Variants in ZFP14 observed in about 807,000 individuals in gnomAD.
The protein encoded by ZFP14 is zinc finger protein 14 homolog.
Under a neutral mutation model 54.5 loss-of-function variants are expected in ZFP14, and 22 were observed. The ratio of observed to expected loss-of-function variants is 0.40; its 90% CI spans 0.29 to 0.58. ZFP14 has a LOEUF of 0.58. Among genes scored for constraint, ZFP14 ranks in the 20% least tolerant of loss-of-function variants. ZFP14 has a pLI of 0.39. For synonymous variants in ZFP14, 159 were observed against 204.0 expected, an observed-to-expected ratio of 0.78 and a Z score of 1.88; for missense variants, 470 against 637.8, an observed-to-expected ratio of 0.74 and a Z score of 2.83.
At chr19:36,378,127 G>C (rs2031992196) in intron 1 of ZFP14, 1 of 152,220 alleles carries the variant, frequency 6.6e-6, no homozygotes, top group South Asian at 2.1e-4. Flanking sequence ...TTTCGTAAAC[G>C]GTTGAGTTCC....
chr19:36,342,342 G>A (rs780272153), intron 4 of ZFP14, among the ~76,000 whole-genome samples: 8 of 151,440 alleles, frequency 5.3e-5, no homozygotes, highest in East Asian at 1.9e-4. Context: ...CCCCAAGCCC[G>A]GCTAATATTT....
intron 1 of ZFP14, among the ~76,000 whole-genome samples, chr19:36,377,225 C>A (rs929227866): frequency 6.6e-6 from 1 of 152,098 alleles, no homozygotes; most frequent in African/African-American, 2.4e-5. Flanking sequence ...GTGGGTAATT[C>A]CATCTAAACT....
intron 2 of ZFP14, among the ~76,000 whole-genome samples, chr19:36,365,322 T>C (rs547387150): frequency 1.3e-5 from 2 of 152,352 alleles, no homozygotes; most frequent in East Asian, 1.9e-4. Context: ...TCATCTCTTT[T>C]ACTAAATTCA....
intron 4 of ZFP14, among the ~76,000 whole-genome samples, chr19:36,350,046 G>A (rs1249330634): frequency 2.2e-5 from 3 of 138,310 alleles, no homozygotes; most frequent in African/African-American, 5.3e-5. Context: ...GCTTGAGCCC[G>A]GGAAGTGGAG....
rs1423337076 is a variant in ZFP14 at position 36,338,116 on chromosome 19, C to T, written c.*2108G>A. 1.3e-5 allele frequency: 2 copies of T among 152,242 alleles called. No homozygotes were observed. The highest frequency in any genetic ancestry group is 1.9e-4 in the East Asian group (1 of 5,172). 9.4% of individuals were successfully genotyped at this position (152,242 alleles called of 1,614,324 possible). The stretch of plus-strand genomic sequence containing the variant: ...TCTTGGGTTCAAGTGATCCTCCCAC[C>T]TCAGCCTGGGACTACAGGTGTGTGC... On this transcript the variant is annotated 3_prime_UTR_variant, in exon 5 of 5. Transcript: ENST00000270001.
intron 1 of ZFP14, among the ~76,000 whole-genome samples, chr19:36,374,458 C>T (rs1043163791): frequency 6.7e-6 from 1 of 148,562 alleles, no homozygotes; most frequent in African/African-American, 2.5e-5. Flanking sequence ...CCGTTGCACT[C>T]CAGCCTGGGT....
At position 36,339,293 on chromosome 19, in the gene ZFP14, C is replaced by T. The variant is rs950826068; in HGVS notation, c.*931G>A. On this transcript the variant is annotated 3_prime_UTR_variant, in exon 5 of 5. Coordinates refer to ENST00000270001, the MANE Select transcript of ZFP14 (RefSeq NM_020917.3). Reference sequence around the variant, plus strand: ...AATACATGCTATATGACTGTGATTCCTCCAAGTATTAACTACTTACTCCTT... The same window carrying T: ...AATACATGCTATATGACTGTGATTCTTCCAAGTATTAACTACTTACTCCTT... The T allele has an allele frequency of 3.3e-5, 5 of 152,122 alleles. No homozygotes were observed. Among genetic ancestry groups the T allele is most frequent in the African/African-American group, 1.2e-4 (5 of 41,422 alleles). 9.4% of individuals were successfully genotyped at this position (152,122 alleles called of 1,614,324 possible).
Position 36,340,292 on chromosome 19 carries a change from C to G in ZFP14, c.1534G>C (p.Glu512Gln). The change falls in exon 5 of 5, where the codon GAG (glutamate) becomes CAG (glutamine). Residue 512 changes from glutamate (E) to glutamine (Q), a missense_variant. Physicochemically the swap from Glu to Gln is conservative, Grantham distance 29. Coordinates refer to ENST00000270001, the MANE Select transcript of ZFP14 (RefSeq NM_020917.3). The surrounding 1 kb of genome is among the most constrained non-coding windows in gnomAD (Gnocchi z 5.4). Reference sequence around the variant, plus strand: ...TGCTGTCTAAAGGCCTTCTTACACTCCTTACACTTGTAGGGCTTCTCACCA... The same window carrying G: ...TGCTGTCTAAAGGCCTTCTTACACTGCTTACACTTGTAGGGCTTCTCACCA... ...HTGEKPYKCK[E>Q]CKKAFRQHSH... 6.2e-7 allele frequency: 1 copy of G among 1,613,984 alleles called. No individual in the cohort carries two copies. The highest frequency in any genetic ancestry group is 8.5e-7 in the Non-Finnish European group (1 of 1,179,950).
At position 36,335,592 on chromosome 19, in the gene ZFP14, C is replaced by CA. The variant is rs1404926242; in HGVS notation, c.*4631dup. 4.0e-5 allele frequency: 6 copies of CA among 151,896 alleles called. No homozygotes were observed. In the East Asian group the frequency reaches 1.2e-3, roughly 29 times the overall value. The allele number at this position is 151,896 out of a possible 1,614,324, so 9.4% of individuals were successfully genotyped here. On this transcript the variant is annotated 3_prime_UTR_variant, in exon 5 of 5. Coordinates refer to ENST00000270001, the MANE Select transcript of ZFP14 (RefSeq NM_020917.3). The stretch of plus-strand genomic sequence containing the variant: ...GTTCACACACACACACACACACACA[C>CA]ATTTTTTGTTAATCTATTTGGGTTA...
At chr19:36,379,037 A>G (rs1487430999) in intron 1 of ZFP14, 126 bp downstream of exon 1, 1 of 152,466 alleles carries the variant, frequency 6.6e-6, no homozygotes, top group East Asian at 1.9e-4. Context: ...AGAGGACGCA[A>G]CAGGGCACCC....
chr19:36,374,083 C>T (rs1482064085), intron 1 of ZFP14, among the ~76,000 whole-genome samples: 3 of 152,078 alleles, frequency 2.0e-5, no homozygotes, highest in African/African-American at 4.8e-5. Context: ...GTGGGGACAC[C>T]GACACTAGGT....
intron 4 of ZFP14, among the ~76,000 whole-genome samples, chr19:36,349,388 G>A (rs1414573904): frequency 2.0e-5 from 3 of 151,428 alleles, no homozygotes; most frequent in Non-Finnish European, 4.4e-5. Flanking sequence ...TTACAGGCTG[G>A]GCACAGTGGC....
rs1466474606 is a variant in ZFP14, at chr19:36,355,416, G to A, written c.235+5019C>T. 2.1e-5 allele frequency among the ~76,000 whole-genome samples: 3 copies of A among 142,532 alleles called. 1 individual carries two copies. The highest frequency in any genetic ancestry group is 5.2e-5 in the African/African-American group (2 of 38,826). 93.5% of individuals were successfully genotyped at this position (142,532 alleles called of 152,430 possible). On this transcript the variant is annotated intron_variant, in intron 4 of 4. Coordinates refer to ENST00000270001, the MANE Select transcript of ZFP14 (RefSeq NM_020917.3). The stretch of plus-strand genomic sequence containing the variant: ...AAGAGGGCCAGGTGCAGTGGCTCGC[G>A]CCTGTAATCCCAGCACCTTGGGAGG...
intron 1 of ZFP14, among the ~76,000 whole-genome samples, chr19:36,374,026 G>A (rs2031920946): frequency 6.6e-6 from 1 of 152,114 alleles, no homozygotes; most frequent in African/African-American, 2.4e-5. Context: ...TACAATGACT[G>A]CATTGCAAGA....
In ZFP14 at chr19:36,337,712, T is replaced by G. The variant is rs1164842897; in HGVS notation, c.*2512A>C. The G allele has an allele frequency of 6.6e-6, 1 of 151,606 alleles. No individual in the cohort carries two copies. Among genetic ancestry groups the G allele is most frequent in the Non-Finnish European group, 1.5e-5 (1 of 67,772 alleles). The allele number at this position is 151,606 out of a possible 1,614,324, so 9.4% of individuals were successfully genotyped here. The stretch of plus-strand genomic sequence containing the variant: ...AGTTCATTATTCCAGCAATAAGGCT[T>G]TGTAGATGGTGGTGTGGACTTCCTA... On this transcript the variant is annotated 3_prime_UTR_variant, in exon 5 of 5. Transcript: ENST00000270001.
chr19:36,354,504 C>T (rs1279335149), intron 4 of ZFP14, among the ~76,000 whole-genome samples: 1 of 142,386 alleles, frequency 7.0e-6, no homozygotes, highest in East Asian at 2.1e-4. Flanking sequence ...TCATCTTGGG[C>T]TTCTTGCAGT....
chr19:36,368,258 C>T (rs1385771520), intron 1 of ZFP14, among the ~76,000 whole-genome samples: 1 of 152,106 alleles, frequency 6.6e-6, no homozygotes, highest in Non-Finnish European at 1.5e-5. Flanking sequence ...CACCTGAGGT[C>T]GGGAGTTCGA....
rs186423616 is a variant in ZFP14, at chr19:36,344,914, G to T, written c.236-3324C>A. 3.0e-3 allele frequency among the ~76,000 whole-genome samples: 455 copies of T among 152,280 alleles called. 1 individual carries two copies. Among genetic ancestry groups the T allele is most frequent in the African/African-American group, 0.01 (422 of 41,554 alleles). On this transcript the variant is annotated intron_variant, in intron 4 of 4. Coordinates refer to ENST00000270001, the MANE Select transcript of ZFP14 (RefSeq NM_020917.3). The stretch of plus-strand genomic sequence containing the variant: ...CTGCTACTTTATACCATATTATAAT[G>T]ATTTACTTATCTCTGCTAGAATTTA...
intron 1 of ZFP14, among the ~76,000 whole-genome samples, chr19:36,377,005 T>C (rs1046649693): frequency 3.3e-5 from 5 of 152,196 alleles, no homozygotes; most frequent in Non-Finnish European, 7.3e-5. Flanking sequence ...ACACTCATGC[T>C]GTCAAAAACT....
Sources: allele counts gnomAD v4.1 joint callset (sites outside exome capture counted in the v4.1 genomes callset), GRCh38; gene constraint gnomAD v4.1.1; non-coding constraint Gnocchi (gnomAD v3.1); transcripts MANE v1.5; gene names NCBI Gene and HGNC (gene_info 2026-07-23, HGNC 2026-07-21).